Variants in MYO10 observed in about 807,000 individuals in gnomAD.
MYO10 encodes myosin X.
Under a neutral mutation model 257.3 loss-of-function variants are expected in MYO10, and 133 were observed. The ratio of observed to expected loss-of-function variants is 0.52; its 90% CI spans 0.45 to 0.60. The LOEUF is 0.60. MYO10 is among the 20% of genes least tolerant of loss of function. The pLI, the probability that MYO10 is intolerant of heterozygous loss-of-function variation, is 0.00. For missense variants in MYO10, 2,399 were observed against 2,635.7 expected, an observed-to-expected ratio of 0.91 and a Z score of 1.97; for synonymous variants, 1,104 against 1,028.6, an observed-to-expected ratio of 1.07 and a Z score of -1.40.
chr5:16,767,691 T>G (rs1285828000), intron 10 of MYO10, among the ~76,000 whole-genome samples: 1 of 152,084 alleles, frequency 6.6e-6, no homozygotes, highest in Non-Finnish European at 1.5e-5. Flanking sequence ...TTTCACTTTT[T>G]TTTTGAGATA....
chr5:16,729,250 A>T (rs1739487656), intron 19 of MYO10, among the ~76,000 whole-genome samples: 1 of 152,230 alleles, frequency 6.6e-6, no homozygotes, highest in South Asian at 2.1e-4. Flanking sequence ...CTATAGTTTA[A>T]CATCAAGTCA....
intron 19 of MYO10, among the ~76,000 whole-genome samples, chr5:16,736,975 G>A (rs1034026784): frequency 2.0e-5 from 3 of 151,940 alleles, no homozygotes; most frequent in Non-Finnish European, 4.4e-5. Flanking sequence ...GTATGCCTAC[G>A]AGATTTCATA....
At chr5:16,720,363 A>C (rs931204263) in intron 19 of MYO10, among the ~76,000 whole-genome samples, 1 of 152,144 alleles carries the variant, frequency 6.6e-6, no homozygotes, top group African/African-American at 2.4e-5. Context: ...ACATTGCTAG[A>C]CTATTTCTCA....
At chr5:16,762,968 G>GAAAA (rs35384200) in intron 14 of MYO10, among the ~76,000 whole-genome samples, 2 of 117,582 alleles carry the variant, frequency 1.7e-5, no homozygotes, top group African/African-American at 3.2e-5. Flanking sequence ...CGTCTCAGGG[G>GAAAA]AAAAAAAAAA....
intron 2 of MYO10, among the ~76,000 whole-genome samples, chr5:16,842,483 T>C (rs1477820776): frequency 2.0e-5 from 3 of 152,266 alleles, no homozygotes; most frequent in Non-Finnish European, 4.4e-5. Context: ...AGCGGCAGCC[T>C]CATCACTACG....
At chr5:16,883,762 C>T (rs1290869045) in intron 1 of MYO10, among the ~76,000 whole-genome samples, 1 of 152,202 alleles carries the variant, frequency 6.6e-6, no homozygotes, top group African/African-American at 2.4e-5. Context: ...AAAACTATTA[C>T]ATTTCTCTTC....
At chr5:16,717,197 T>G (rs1306362984) in intron 19 of MYO10, among the ~76,000 whole-genome samples, 1 of 152,248 alleles carries the variant, frequency 6.6e-6, no homozygotes, top group Non-Finnish European at 1.5e-5. Flanking sequence ...CAAAGAGCTT[T>G]GCGTTCCTGA....
intron 10 of MYO10, 62 bp downstream of exon 10, chr5:16,769,012 T>A (rs1740966657): frequency 1.3e-6 from 2 of 1,523,402 alleles, no homozygotes; most frequent in South Asian, 1.3e-5. Context: ...AGTCAATAAT[T>A]TAGGTTTAAG....
rs139592080 is a variant in MYO10, at chr5:16,727,731, T to C, written c.1930-16486A>G. Reference sequence around the variant, plus strand: ...CTAGGACATTAACTTTGATTTTTGTTTTTTAAAACAAACTGTTGAAGCCAG... The same window carrying C: ...CTAGGACATTAACTTTGATTTTTGTCTTTTAAAACAAACTGTTGAAGCCAG... On this transcript the variant is annotated intron_variant, in intron 19 of 40. Transcript: ENST00000513610. 3.0e-3 allele frequency among the ~76,000 whole-genome samples: 464 copies of C among 152,314 alleles called. 3 individuals are homozygous for C. The highest frequency in any genetic ancestry group is 0.011 in the African/African-American group (451 of 41,560).
At position 16,936,258 on chromosome 5, in the gene MYO10, C is replaced by T. The variant is rs1418389911; in HGVS notation, c.-450G>A. ...CGCTTGGAGGTGAGCAGTCCCGCGC[C>T]GCGGCTCAGCCAGCTCTCGCCCGCG... is the stretch of plus-strand genomic sequence containing the variant. On this transcript the variant is annotated 5_prime_UTR_variant, in exon 1 of 41. Coordinates refer to ENST00000513610, the MANE Select transcript of MYO10 (RefSeq NM_012334.3). The T allele has an allele frequency of 1.3e-5, 2 of 155,726 alleles. No homozygotes were observed. The highest frequency in any genetic ancestry group is 4.8e-5 in the African/African-American group (2 of 41,308). The allele number at this position is 155,726 out of a possible 1,614,324, so 9.6% of individuals were successfully genotyped here.
intron 1 of MYO10, among the ~76,000 whole-genome samples, chr5:16,911,507 G>C (rs1745655499): frequency 6.6e-6 from 1 of 151,982 alleles, no homozygotes; most frequent in Admixed American, 6.6e-5. Context: ...TGAGGCGGGG[G>C]GATCCCTTGA....
rs1309397900 is a variant in MYO10, at chr5:16,701,231, G to A, written c.3164C>T (p.Pro1055Leu). ...TAGGCTCCCGGAGTCCTGCACTGAT[G>A]GGGCGAGCAGCACCGTGCTGTCCGC... ...PSADSTVLLA[P>L]SVQDSGSLHN... The change falls in exon 25 of 41, where the codon CCA (proline) becomes CTA (leucine). Residue 1055 changes from proline to leucine, a missense_variant. Coordinates refer to ENST00000513610, the MANE Select transcript of MYO10 (RefSeq NM_012334.3). This position sits in a 1 kb window ranked among gnomAD's most constrained non-coding sequence, Gnocchi z 8.1. The A allele has an allele frequency of 6.2e-7, 1 of 1,612,704 alleles. No homozygotes were observed.
Position 16,701,387 on chromosome 5 carries a change from G to C in MYO10, c.3008C>G (p.Ala1003Gly). Reference sequence around the variant, plus strand: ...GCTGGGGTTGGGGGAGTCCTTGAAGGCGTCGTCGTCGGCTTCGAAGCCCTC... The same window carrying C: ...GCTGGGGTTGGGGGAGTCCTTGAAGCCGTCGTCGTCGGCTTCGAAGCCCTC... ...VDEGFEADDD[A>G]FKDSPNPSEH... Residue 1003 changes from alanine to glycine, a missense_variant, in exon 25 of 41, where the codon GCC (alanine) becomes GGC (glycine). Ala to Gly is a moderately conservative substitution (Grantham distance 60). Transcript: ENST00000513610. The surrounding 1 kb of genome is among the most constrained non-coding windows in gnomAD (Gnocchi z 8.1). 6.2e-7 allele frequency: 1 copy of C among 1,614,018 alleles called. No homozygotes were observed. Among genetic ancestry groups the C allele is most frequent in the South Asian group, 1.1e-5 (1 of 91,084 alleles).
intron 1 of MYO10, among the ~76,000 whole-genome samples, chr5:16,910,523 A>G (rs1745631922): frequency 6.6e-6 from 1 of 152,234 alleles, no homozygotes; most frequent in Non-Finnish European, 1.5e-5. Flanking sequence ...GAAAATACCT[A>G]TAACAATGTC....
chr5:16,754,872 A>T lies in MYO10; in HGVS notation c.1885T>A (p.Ser629Thr). 1 of 1,604,924 alleles carries T rather than the reference A, an allele frequency of 6.2e-7. No individual in the cohort carries two copies. Among genetic ancestry groups the T allele is most frequent in the Non-Finnish European group, 8.5e-7 (1 of 1,174,252 alleles). ...LHSLMATLSS[S>T]NPFFVRCIKP... ...ATACAGCGAACAAAGAAAGGATTAG[A>T]GGAGCTTAGCGTTGCCATTAAGGAA... The change falls in exon 19 of 41, where the codon TCT becomes ACT. Residue 629 changes from serine (S) to threonine (T), a missense_variant. Transcript: ENST00000513610.
At chr5:16,784,158 G>A (rs950957519) in intron 4 of MYO10, among the ~76,000 whole-genome samples, 2 of 152,226 alleles carry the variant, frequency 1.3e-5, no homozygotes, top group Non-Finnish European at 2.9e-5. Flanking sequence ...TGCCTTAAAA[G>A]ACCAGCAAAC....
At chr5:16,885,188 TCTG>T (rs1744863421) in intron 1 of MYO10, among the ~76,000 whole-genome samples, 1 of 146,092 alleles carries the variant, frequency 6.8e-6, no homozygotes, top group African/African-American at 2.6e-5. Flanking sequence ...CTCTGTCCAC[TCTG>T]CTTTTTTTTT....
At chr5:16,806,421 C>T (rs1055042689) in intron 3 of MYO10, among the ~76,000 whole-genome samples, 4 of 151,036 alleles carry the variant, frequency 2.6e-5, no homozygotes, top group East Asian at 2.0e-4. Context: ...CAGAGGCGGG[C>T]GGATCACGAG....
chr5:16,933,159 A>G (rs1746338000), intron 1 of MYO10, among the ~76,000 whole-genome samples: 1 of 152,214 alleles, frequency 6.6e-6, no homozygotes, highest in Non-Finnish European at 1.5e-5. Context: ...AGCTCAGTGG[A>G]TCTCAACTGG....
Sources: gnomAD v4.1 joint callset for allele counts (sites outside exome capture counted in the v4.1 genomes callset) on GRCh38, gnomAD v4.1.1 for gene constraint, Gnocchi (gnomAD v3.1) non-coding constraint, MANE v1.5 for transcripts, NCBI Gene and HGNC (gene_info 2026-07-23, HGNC 2026-07-21) for gene names.